Variants in DOCK7 observed in about 807,000 individuals in gnomAD.
The protein encoded by DOCK7 is dedicator of cytokinesis 7.
In DOCK7, 138 loss-of-function variants were observed where a neutral mutation model predicts 271.0. The observed-to-expected ratio is 0.51, with a 90% CI of 0.44 to 0.59. The LOEUF (loss-of-function observed/expected upper bound fraction) is 0.59. Ranked by LOEUF, DOCK7 falls within the 20% of genes least tolerant of loss-of-function variation. The pLI, the probability that DOCK7 is intolerant of heterozygous loss-of-function variation, is 0.00. For synonymous variants in DOCK7, 823 were observed against 876.1 expected, an observed-to-expected ratio of 0.94 and a Z score of 1.07; for missense variants, 2,066 against 2,592.4, an observed-to-expected ratio of 0.80 and a Z score of 4.41.
At chr1:62,624,594 G>A (rs1653701860) in intron 12 of DOCK7, among the ~76,000 whole-genome samples, 1 of 152,140 alleles carries the variant, frequency 6.6e-6, no homozygotes, top group South Asian at 2.1e-4. Context: ...AAATACTTGT[G>A]TGGGGAAGAC....
At chr1:62,588,588 C>A (rs868661015) in intron 14 of DOCK7, among the ~76,000 whole-genome samples, 14 of 151,994 alleles carry the variant, frequency 9.2e-5, no homozygotes, top group Non-Finnish European at 1.8e-4. Context: ...TTGAATCTAG[C>A]GCCTTAGTCA....
chr1:62,614,554 T>C (rs1452438602), intron 14 of DOCK7, among the ~76,000 whole-genome samples: 2 of 151,956 alleles, frequency 1.3e-5, no homozygotes, highest in Non-Finnish European at 2.9e-5. Context: ...CCTAGTACCC[T>C]CATGCTTTTC....
At position 62,475,726 on chromosome 1, in the gene DOCK7, T is replaced by C. The variant is rs145796299; in HGVS notation, c.5942A>G (p.Asn1981Ser). Residue 1981 changes from asparagine (N) to serine (S), a missense_variant, in exon 46 of 50, where the codon AAT becomes AGT. Asn to Ser is a conservative substitution (Grantham distance 46, BLOSUM62 1). Coordinates refer to ENST00000635253, the MANE Select transcript of DOCK7 (RefSeq NM_001367561.1). ...ACTTACCTCTTCTTTATGAGTGACA[T>C]TGACCCTTGTTTTAATATAAGGAAA... ...HAFPYIKTRV[N>S]VTHKEEIILT... The C allele has an allele frequency of 4.2e-5, 67 of 1,613,824 alleles. No individual in the cohort carries two copies. The highest frequency in any genetic ancestry group is 5.1e-5 in the Non-Finnish European group (60 of 1,179,892).
intron 36 of DOCK7, 24 bp downstream of exon 36, chr1:62,505,658 C>T (rs768612786): frequency 6.3e-7 from 1 of 1,591,750 alleles, no homozygotes; most frequent in Non-Finnish European, 8.5e-7. Flanking sequence ...AGTCTGACAA[C>T]ACTGCAGGTA....
chr1:62,595,566 A>C (rs1649110421), intron 14 of DOCK7, among the ~76,000 whole-genome samples: 1 of 152,148 alleles, frequency 6.6e-6, no homozygotes, highest in Non-Finnish European at 1.5e-5. Context: ...TATTATACCC[A>C]AAACCCTTAA....
chr1:62,601,979 A>G (rs544069771), intron 14 of DOCK7: 1 of 702,668 alleles, frequency 1.4e-6, no homozygotes, highest in African/African-American at 1.8e-5. Context: ...ATACATATAT[A>G]TATGAAATAT....
chr1:62,621,950 T>C (rs943333849), intron 12 of DOCK7, among the ~76,000 whole-genome samples: 1 of 152,226 alleles, frequency 6.6e-6, no homozygotes, highest in African/African-American at 2.4e-5. Flanking sequence ...TACTTATTGG[T>C]CTCCATTCTT....
In DOCK7 at chr1:62,534,747, T is replaced by C. The variant is rs574302023; in HGVS notation, c.3611+746A>G. ...TGGAAGTTTTTAAAACCTAAAGATATTTGTTTATAGGGCAATTTTTGAAAT... is the reference window on the plus strand; with the variant it reads ...TGGAAGTTTTTAAAACCTAAAGATACTTGTTTATAGGGCAATTTTTGAAAT... On this transcript the variant is annotated intron_variant, in intron 29 of 49. Coordinates refer to ENST00000635253, the MANE Select transcript of DOCK7 (RefSeq NM_001367561.1). Among the ~76,000 whole-genome samples, 317 of 152,254 alleles carry C rather than the reference T, an allele frequency of 2.1e-3. 2 individuals carry two copies. The highest frequency in any genetic ancestry group is 7.3e-3 in the African/African-American group (302 of 41,562).
chr1:62,466,838 T>C (rs1645691618), intron 48 of DOCK7, among the ~76,000 whole-genome samples: 1 of 152,032 alleles, frequency 6.6e-6, no homozygotes, highest in African/African-American at 2.4e-5. Context: ...CGAGAATCAC[T>C]TGAACCCGGG....
At chr1:62,493,941 C>A in intron 40 of DOCK7, among the ~76,000 whole-genome samples, 1 of 152,130 alleles carries the variant, frequency 6.6e-6, no homozygotes, top group African/African-American at 2.4e-5. Flanking sequence ...GAAGTAAAAG[C>A]CAATTAAGAA....
At chr1:62,665,928 C>T (rs1659260202) in intron 1 of DOCK7, among the ~76,000 whole-genome samples, 1 of 151,888 alleles carries the variant, frequency 6.6e-6, no homozygotes, top group African/African-American at 2.4e-5. Flanking sequence ...CTTTAGGAGG[C>T]CGAGGCGGGC....
At chr1:62,518,315 T>C (rs1644734418) in intron 31 of DOCK7, among the ~76,000 whole-genome samples, 1 of 152,264 alleles carries the variant, frequency 6.6e-6, no homozygotes, top group African/African-American at 2.4e-5. Flanking sequence ...CTCACGCCTG[T>C]AATCCCAGCA....
chr1:62,517,456 G>A (rs1430082471), intron 31 of DOCK7, among the ~76,000 whole-genome samples: 3 of 152,186 alleles, frequency 2.0e-5, no homozygotes, highest in Admixed American at 6.5e-5. Context: ...TTAGCTGGGC[G>A]TGGTGGTGCA....
intron 48 of DOCK7, chr1:62,460,816 C>G (rs1286785362): frequency 2.0e-5 from 3 of 152,052 alleles, no homozygotes; most frequent in African/African-American, 7.3e-5. Flanking sequence ...ACCATCATGC[C>G]CGGCTAATTT....
intron 14 of DOCK7, among the ~76,000 whole-genome samples, chr1:62,617,343 A>G (rs539386933): frequency 1.3e-5 from 2 of 152,092 alleles, no homozygotes; most frequent in East Asian, 3.9e-4. Flanking sequence ...TTCTGTTTGT[A>G]ATAGAAGCAC....
At position 62,500,190 on chromosome 1, in the gene DOCK7, C is replaced by T. The variant is rs1008343353; in HGVS notation, c.4765-3693G>A. On this transcript the variant is annotated intron_variant, in intron 37 of 49. Coordinates refer to ENST00000635253, the MANE Select transcript of DOCK7 (RefSeq NM_001367561.1). ...TAGACAAATGATGTCATAAAACAGA[C>T]GAAAATTCTAATGAAATATTTTGAT... 3.3e-5 allele frequency among the ~76,000 whole-genome samples: 5 copies of T among 151,784 alleles called. No individual in the cohort carries two copies. In the South Asian group the frequency reaches 6.2e-4, roughly 19 times the overall value.
intron 21 of DOCK7, among the ~76,000 whole-genome samples, chr1:62,553,313 TATATATATA>T (rs1266009789): frequency 2.0e-5 from 1 of 50,664 alleles, no homozygotes; most frequent in Non-Finnish European, 3.2e-5. Flanking sequence ...AAAAGTATTT[TATATATATA>T]TATATATATA....
At chr1:62,615,578 G>C (rs563585776) in intron 14 of DOCK7, among the ~76,000 whole-genome samples, 2 of 151,698 alleles carry the variant, frequency 1.3e-5, no homozygotes, top group Non-Finnish European at 3.0e-5. Flanking sequence ...AAACATTAAA[G>C]CCTAAATCAG....
intron 18 of DOCK7, among the ~76,000 whole-genome samples, chr1:62,562,495 G>A (rs967818894): frequency 6.6e-6 from 1 of 151,998 alleles, no homozygotes. Context: ...GATTACAAGC[G>A]TAAGCCACCA....
Sources: gnomAD v4.1 joint callset for allele counts (sites outside exome capture counted in the v4.1 genomes callset) on GRCh38, gnomAD v4.1.1 for gene constraint, MANE v1.5 for transcripts, NCBI Gene and HGNC (gene_info 2026-07-23, HGNC 2026-07-21) for gene names.